The following MED1 variants were observed in gnomAD, a reference collection of about 807,000 sequenced individuals.
MED1 encodes mediator of RNA polymerase II transcription subunit 1.
In MED1, 17 loss-of-function variants were observed where a neutral mutation model predicts 121.3. The observed-to-expected ratio is 0.14, with a 90% CI of 0.10 to 0.21. The LOEUF is 0.21. Ranked by LOEUF, MED1 falls within the 10% of genes least tolerant of loss-of-function variation. The pLI, the probability that MED1 is intolerant of heterozygous loss-of-function variation, is 1.00. For missense variants in MED1, 1,558 were observed against 1,919.4 expected (o/e 0.81, Z 3.52); for synonymous variants, 661 against 694.4 (o/e 0.95, Z 0.76).
At chr17:39,429,059 C>T (rs1013450557) in intron 9 of MED1, among the ~76,000 whole-genome samples, 1 of 151,842 alleles carries the variant, frequency 6.6e-6, no homozygotes, top group Non-Finnish European at 1.5e-5. Context: ...CTGGCTCACG[C>T]TTATAATCCC....
At chr17:39,437,131 C>T (rs1461560334) in intron 6 of MED1, among the ~76,000 whole-genome samples, 3 of 152,146 alleles carry the variant, frequency 2.0e-5, no homozygotes, top group African/African-American at 4.8e-5. Flanking sequence ...GGGGTTTCTC[C>T]GTGTTGGTCA....
At chr17:39,421,720 T>A (rs2048466905) in intron 13 of MED1, among the ~76,000 whole-genome samples, 1 of 152,148 alleles carries the variant, frequency 6.6e-6, no homozygotes, top group East Asian at 1.9e-4. Context: ...TTTTCCTCTC[T>A]GTAAGTACTT....
At chr17:39,416,948 G>A (rs977868970) in intron 14 of MED1, among the ~76,000 whole-genome samples, 5 of 152,190 alleles carry the variant, frequency 3.3e-5, no homozygotes, top group African/African-American at 1.2e-4. Flanking sequence ...TGAGGGAAGA[G>A]TATCACTTGA....
intron 9 of MED1, among the ~76,000 whole-genome samples, chr17:39,429,440 A>G (rs983821539): frequency 1.3e-5 from 2 of 152,110 alleles, no homozygotes; most frequent in African/African-American, 4.8e-5. Context: ...TCACGCCTAT[A>G]ATCCCAGCAC....
intron 2 of MED1, among the ~76,000 whole-genome samples, chr17:39,446,326 T>C (rs2048726639): frequency 6.6e-6 from 1 of 150,630 alleles, no homozygotes; most frequent in Admixed American, 6.7e-5. Context: ...GGCAGGGGCC[T>C]GTAGTCCCAG....
chr17:39,410,378 C>T lies in MED1; in HGVS notation c.1843G>A (p.Gly615Arg). 1 of 1,613,958 alleles carries T rather than the reference C, an allele frequency of 6.2e-7. No individual in the cohort carries two copies. The highest frequency in any genetic ancestry group is 8.5e-7 in the Non-Finnish European group (1 of 1,179,982). Residue 615 changes from glycine to arginine, a missense_variant, in exon 17 of 17, where the codon GGG becomes AGG. By Grantham distance (125) the Gly-to-Arg change is moderately radical (BLOSUM62 -2). Transcript: ENST00000300651. ...TSLLQITGNG[G>R]STIGSSPTPP... ...GTCGGACTCGAGCCAATGGTAGACC[C>T]CCCGTTCCCTGTGATTTGCAACAAA...
Position 39,405,836 on chromosome 17 carries a change from C to A in MED1, c.*1639G>T. The A allele has an allele frequency of 1.0e-6, 1 of 985,942 alleles. No homozygotes were observed. The highest frequency in any genetic ancestry group is 1.2e-6 in the Non-Finnish European group (1 of 830,236). 61.1% of individuals were successfully genotyped at this position (985,942 alleles called of 1,614,324 possible). On this transcript the variant is annotated 3_prime_UTR_variant, in exon 17 of 17. Coordinates refer to ENST00000300651, the MANE Select transcript of MED1 (RefSeq NM_004774.4). Reference sequence around the variant, plus strand: ...TGCTGACTCCAACCTGCAGAAAAAGCTGAATATAGAAATCTTCTTCCATAT... The same window carrying A: ...TGCTGACTCCAACCTGCAGAAAAAGATGAATATAGAAATCTTCTTCCATAT...
intron 9 of MED1, among the ~76,000 whole-genome samples, chr17:39,430,020 C>A (rs1567647759): frequency 6.6e-6 from 1 of 151,620 alleles, no homozygotes; most frequent in Non-Finnish European, 1.5e-5. Flanking sequence ...GAGGTTGAGG[C>A]TGGAGTGAGT....
intron 6 of MED1, among the ~76,000 whole-genome samples, chr17:39,436,072 G>A (rs1007306018): frequency 3.3e-5 from 5 of 150,762 alleles, no homozygotes; most frequent in Admixed American, 6.6e-5. Flanking sequence ...ACACCATCTC[G>A]AAAAAAAAGG....
chr17:39,406,567 T>A lies in MED1; in HGVS notation c.*908A>T, dbSNP rs2048305407. 1.0e-6 allele frequency: 1 copy of A among 985,436 alleles called. No homozygotes were observed. The highest frequency in any genetic ancestry group is 1.1e-4 in the East Asian group (1 of 8,956). 61.0% of individuals were successfully genotyped at this position (985,436 alleles called of 1,614,324 possible). On this transcript the variant is annotated 3_prime_UTR_variant, in exon 17 of 17. Coordinates refer to ENST00000300651, the MANE Select transcript of MED1 (RefSeq NM_004774.4). The stretch of plus-strand genomic sequence containing the variant: ...CCAACAAGCCACCTTAGCTTTTTTT[T>A]TTTTTTTTGAAAGGAAAATGAGATT...
rs754360113 is a variant in MED1, at chr17:39,409,844, G to A, written c.2377C>T (p.Leu793Phe). 1 of 1,614,196 alleles carries A rather than the reference G, an allele frequency of 6.2e-7. No homozygotes were observed. The highest frequency in any genetic ancestry group is 1.3e-5 in the African/African-American group (1 of 75,056). ...LSDIAEEASK[L>F]PSTSDDCPAI... ...GGGCAATCATCACTAGTGCTGGGAA[G>A]TTTAGAAGCTTCTTCTGCAATGTCT... The change falls in exon 17 of 17, where the codon CTT becomes TTT. Residue 793 changes from leucine (L) to phenylalanine (F), a missense_variant. Physicochemically the swap from Leu to Phe is conservative, Grantham distance 22 (BLOSUM62 0). Transcript: ENST00000300651.
rs2048778454 is a variant in MED1 at position 39,451,091 on chromosome 17, C to T, written c.-29G>A. ...GAAGGCGAGGAGAAGCTAGATCCGCCACAAAAGGATAAGCCCTTCCCCACC... is the reference window on the plus strand; with the variant it reads ...GAAGGCGAGGAGAAGCTAGATCCGCTACAAAAGGATAAGCCCTTCCCCACC... On this transcript the variant is annotated 5_prime_UTR_variant, in exon 1 of 17. Coordinates refer to ENST00000300651, the MANE Select transcript of MED1 (RefSeq NM_004774.4). 3 of 1,609,656 alleles carry T rather than the reference C, an allele frequency of 1.9e-6. No homozygotes were observed. Among genetic ancestry groups the T allele is most frequent in the Non-Finnish European group, 2.5e-6 (3 of 1,178,186 alleles).
intron 1 of MED1, among the ~76,000 whole-genome samples, chr17:39,448,605 G>GA (rs1005547411): frequency 2.2e-4 from 32 of 147,892 alleles, no homozygotes; most frequent in Non-Finnish European, 3.9e-4. Context: ...TTAAAAAAAA[G>GA]AAAAAAAATA....
In MED1 at chr17:39,423,796, T is replaced by C. The variant is rs2048488929; in HGVS notation, c.877A>G (p.Ser293Gly). ...GCAGGAAGATCAACACTGTTGGCACTGGTGATTGAGGAGAAGGAAGGGGTC... is the reference window on the plus strand; with the variant it reads ...GCAGGAAGATCAACACTGTTGGCACCGGTGATTGAGGAGAAGGAAGGGGTC... The part of the protein sequence containing the change: ...KWTPSFSSIT[S>G]ANSVDLPACF... The change falls in exon 12 of 17, where the codon AGT (serine) becomes GGT (glycine). Residue 293 changes from serine to glycine, a missense_variant. This residue lies in a region of MED1 where 443 missense variants were observed against 532.4 expected (regional missense o/e 0.83). Transcript: ENST00000300651. 6.2e-7 allele frequency: 1 copy of C among 1,612,930 alleles called. No homozygotes were observed. The highest frequency in any genetic ancestry group is 2.2e-5 in the East Asian group (1 of 44,844).
chr17:39,407,008 C>T lies in MED1; in HGVS notation c.*467G>A. The T allele has an allele frequency of 1.0e-6, 1 of 986,944 alleles. No individual in the cohort carries two copies. Among genetic ancestry groups the T allele is most frequent in the Non-Finnish European group, 1.2e-6 (1 of 830,678 alleles). The allele number at this position is 986,944 out of a possible 1,614,324, so 61.1% of individuals were successfully genotyped here. A position where few individuals can be genotyped will look rare whatever the true frequency, so the allele number is the denominator to read the frequency against. On this transcript the variant is annotated 3_prime_UTR_variant, in exon 17 of 17. Transcript: ENST00000300651. Reference sequence around the variant, plus strand: ...TGCCCATGACTCAAACGGACAACTACCTCAAACAAAGTTGAACAACCTTCA... The same window carrying T: ...TGCCCATGACTCAAACGGACAACTATCTCAAACAAAGTTGAACAACCTTCA...
intron 2 of MED1, among the ~76,000 whole-genome samples, chr17:39,445,029 A>G (rs974051839): frequency 3.3e-5 from 5 of 152,162 alleles, no homozygotes; most frequent in Non-Finnish European, 7.3e-5. Context: ...TGTTGCAAAT[A>G]AATCTATCTC....
chr17:39,417,522 G>A (rs1470700777), intron 14 of MED1, among the ~76,000 whole-genome samples: 11 of 151,886 alleles, frequency 7.2e-5, no homozygotes, highest in Admixed American at 5.9e-4. Context: ...CCAGCTACTC[G>A]GGAGGCTGAG....
At chr17:39,446,541 T>A (rs1008631744) in intron 2 of MED1, among the ~76,000 whole-genome samples, 2 of 150,274 alleles carry the variant, frequency 1.3e-5, no homozygotes, top group Non-Finnish European at 3.0e-5. Flanking sequence ...ATCCCAGCAC[T>A]TTGGGAGGCA....
Position 39,405,307 on chromosome 17 carries a change from A to T in MED1, c.*2168T>A. On this transcript the variant is annotated 3_prime_UTR_variant, in exon 17 of 17. Transcript: ENST00000300651. ...CCAGATCCTAACTCGGGATTCTTTG[A>T]TCTGGGATGAAGACAGAAAGAGAGA... 6.2e-7 allele frequency: 1 copy of T among 1,603,782 alleles called. No individual in the cohort carries two copies. The highest frequency in any genetic ancestry group is 8.5e-7 in the Non-Finnish European group (1 of 1,175,746).
Sources: gnomAD v4.1 joint callset for allele counts (sites outside exome capture counted in the v4.1 genomes callset) on GRCh38, gnomAD v4.1.1 for gene constraint, gnomAD v4.1.1 regional missense constraint, MANE v1.5 for transcripts, NCBI Gene and HGNC (gene_info 2026-07-23, HGNC 2026-07-21) for gene names.